Variants in FRK observed in about 807,000 individuals in gnomAD.
FRK encodes tyrosine-protein kinase FRK.
FRK carries 51 observed loss-of-function variants against 56.4 expected under a neutral mutation model. The ratio of observed to expected loss-of-function variants is 0.90; its 90% CI spans 0.72 to 1.14. The LOEUF is 1.14. Among genes scored for constraint, FRK ranks in the 50% most tolerant of loss-of-function variants. The pLI, the probability that FRK is intolerant of heterozygous loss-of-function variation, is 0.00. For missense variants in FRK, 570 were observed against 601.4 expected (o/e 0.95, Z 0.55); for synonymous variants, 245 against 217.9 (o/e 1.12, Z -1.10).
chr6:115,950,259 GAGAAAATTTTTGC>G lies in FRK; in HGVS notation c.959-5847_959-5835del, dbSNP rs558880662. Reference sequence around the variant, plus strand: ...AGTGAACAGGGAACATTCAGAATGGGAGAAAATTTTTGCAATCTATCCATCTGACAAAGGGCTA... The same window carrying G: ...AGTGAACAGGGAACATTCAGAATGGGAATCTATCCATCTGACAAAGGGCTA... On this transcript the variant is annotated intron_variant, in intron 5 of 7. Coordinates refer to ENST00000606080, the MANE Select transcript of FRK (RefSeq NM_002031.3). 2.0e-3 allele frequency among the ~76,000 whole-genome samples: 304 copies of G among 152,248 alleles called. 2 individuals are homozygous for G. Among genetic ancestry groups the G allele is most frequent in the African/African-American group, 7.0e-3 (292 of 41,542 alleles).
At chr6:115,958,413 G>A (rs986272713) in intron 4 of FRK, among the ~76,000 whole-genome samples, 5 of 151,922 alleles carry the variant, frequency 3.3e-5, no homozygotes, top group Non-Finnish European at 7.4e-5. Context: ...GATAACTTGA[G>A]GTCAGGAGTT....
intron 3 of FRK, 118 bp downstream of exon 3, chr6:115,968,458 G>C: frequency 8.9e-7 from 1 of 1,122,066 alleles, no homozygotes; most frequent in Non-Finnish European, 1.3e-6. Flanking sequence ...GCCTATACCC[G>C]CCTGAGGTAA....
the FRK span, among the ~76,000 whole-genome samples, chr6:116,091,310 T>A: frequency 6.6e-6 from 1 of 152,120 alleles, no homozygotes; most frequent in Admixed American, 6.5e-5. Context: ...AATGGACCAA[T>A]CAGCAGGACA....
the FRK span, among the ~76,000 whole-genome samples, chr6:116,089,347 G>A: frequency 6.6e-6 from 1 of 152,180 alleles, no homozygotes; most frequent in Non-Finnish European, 1.5e-5. Context: ...ATCTTCTAGA[G>A]CAGAAAAGAG....
rs538334847 is a variant in FRK at position 115,999,807 on chromosome 6, T to C, written c.466+4070A>G. ...ATGTGGATATATTGAAAGTCCTTTT[T>C]CTTTCCTTTCCATTTTTCTCCTGTA... On this transcript the variant is annotated intron_variant, in intron 2 of 7. Coordinates refer to ENST00000606080, the MANE Select transcript of FRK (RefSeq NM_002031.3). Among the ~76,000 whole-genome samples, 420 of 152,350 alleles carry C rather than the reference T, an allele frequency of 2.8e-3. 2 individuals are homozygous for C. The highest frequency in any genetic ancestry group is 9.1e-3 in the African/African-American group (380 of 41,576).
intron 2 of FRK, among the ~76,000 whole-genome samples, chr6:115,972,899 C>T (rs192037402): frequency 2.4e-4 from 36 of 152,234 alleles, no homozygotes; most frequent in Non-Finnish European, 4.7e-4. Context: ...GACTCTAAGA[C>T]GCTCTATAAC....
chr6:116,047,725 AG>A lies in FRK; in HGVS notation c.344+12242del, dbSNP rs1777028813. Among the ~76,000 whole-genome samples, 4 of 152,242 alleles carry A rather than the reference AG, an allele frequency of 2.6e-5. No individual in the cohort carries two copies. In the South Asian group the frequency reaches 8.3e-4, roughly 32 times the overall value. On this transcript the variant is annotated intron_variant, in intron 1 of 7. Transcript: ENST00000606080. ...AGTCAGCTGATGAGTCAGCTGGGCC[AG>A]TAGGACATCTCTTCACATAGTCTCA...
chr6:116,047,419 A>G (rs1211438044), intron 1 of FRK, among the ~76,000 whole-genome samples: 1 of 145,452 alleles, frequency 6.9e-6, no homozygotes, highest in African/African-American at 2.6e-5. Context: ...TTTAATTGAG[A>G]TGGAGTCTTG....
intron 1 of FRK, among the ~76,000 whole-genome samples, chr6:116,016,361 G>T (rs1372052272): frequency 1.3e-5 from 2 of 152,176 alleles, no homozygotes; most frequent in Non-Finnish European, 2.9e-5. Context: ...GAAGAAAAGA[G>T]AAATAGTTAA....
chr6:116,034,736 T>C (rs754038741), intron 1 of FRK, among the ~76,000 whole-genome samples: 6 of 152,126 alleles, frequency 3.9e-5, no homozygotes, highest in Non-Finnish European at 7.4e-5. Flanking sequence ...AAACAAACTA[T>C]AAAACTGTGA....
the FRK span, among the ~76,000 whole-genome samples, chr6:116,072,835 G>A: frequency 6.6e-6 from 1 of 152,146 alleles, no homozygotes. Context: ...TCTGTGGAAA[G>A]TATAACAGGG....
chr6:116,017,728 C>A (rs567601505), intron 1 of FRK, among the ~76,000 whole-genome samples: 2 of 152,130 alleles, frequency 1.3e-5, no homozygotes, highest in Non-Finnish European at 2.9e-5. Flanking sequence ...GTGCCACAGG[C>A]AATTCAGAGG....
intron 1 of FRK, among the ~76,000 whole-genome samples, chr6:116,021,009 T>C (rs967738751): frequency 6.6e-6 from 1 of 152,154 alleles, no homozygotes; most frequent in African/African-American, 2.4e-5. Flanking sequence ...AGTTCAGTGG[T>C]TTCATGTTTG....
At position 115,937,278 on chromosome 6, in the gene FRK, A is replaced by T. The variant is rs1215747096; in HGVS notation, c.*5136T>A. On this transcript the variant is annotated 3_prime_UTR_variant, in exon 8 of 8. Coordinates refer to ENST00000606080, the MANE Select transcript of FRK (RefSeq NM_002031.3). ...ATCCTTTACAGACAAGCAAATGCTG[A>T]GAGATTTTGTTACCACCAGGCCTGC... The T allele has an allele frequency of 2.6e-5, 4 of 152,348 alleles. No homozygotes were observed. The East Asian group carries it at 7.7e-4, about 29-fold the overall frequency. The allele number at this position is 152,348 out of a possible 1,614,324, so 9.4% of individuals were successfully genotyped here.
At position 116,023,685 on chromosome 6, in the gene FRK, G is replaced by A. The variant is rs541932997; in HGVS notation, c.345-19687C>T. On this transcript the variant is annotated intron_variant, in intron 1 of 7. Transcript: ENST00000606080. ...AGAAATGTTCTACATTGGGAGCAGC[G>A]GTGGCTCAGACCTGTTGTCCTGGTG... 1.1e-4 allele frequency among the ~76,000 whole-genome samples: 16 copies of A among 152,196 alleles called. No homozygotes were observed. In the East Asian group the frequency reaches 1.9e-3, roughly 18 times the overall value.
chr6:115,942,967 A>G, intron 7 of FRK, 53 bp downstream of exon 7: 1 of 1,557,554 alleles, frequency 6.4e-7, no homozygotes, highest in South Asian at 1.2e-5. Context: ...TTAAAATCAC[A>G]CCTAAGTAAG....
intron 4 of FRK, among the ~76,000 whole-genome samples, chr6:115,966,076 A>T (rs1773561394): frequency 6.4e-5 from 1 of 15,616 alleles, no homozygotes; most frequent in Non-Finnish European, 2.0e-4. Flanking sequence ...AAAAAAAAGA[A>T]ATACTTAAAA....
chr6:116,004,705 T>C (rs982580925), intron 1 of FRK, among the ~76,000 whole-genome samples: 2 of 152,182 alleles, frequency 1.3e-5, no homozygotes, highest in Non-Finnish European at 2.9e-5. Context: ...AAGAGTCAGA[T>C]ACTGAACACA....
At chr6:116,092,678 C>A in the FRK span, among the ~76,000 whole-genome samples, 3 of 152,024 alleles carry the variant, frequency 2.0e-5, no homozygotes, top group Admixed American at 6.5e-5. Context: ...GTCCAGGGAC[C>A]GTTGTGGGTT....
Sources: allele counts gnomAD v4.1 joint callset (sites outside exome capture counted in the v4.1 genomes callset), GRCh38; gene constraint gnomAD v4.1.1; transcripts MANE v1.5; gene names NCBI Gene and HGNC (gene_info 2026-07-23, HGNC 2026-07-21).